NAA35: variants seen among roughly 807,000 people sequenced by gnomAD.
NAA35 encodes N-alpha-acetyltransferase 35, NatC auxiliary subunit.
Under a neutral mutation model 101.7 loss-of-function variants are expected in NAA35, and 18 were observed. The observed-to-expected ratio is 0.18, with a 90% CI of 0.12 to 0.26. The LOEUF (loss-of-function observed/expected upper bound fraction) is 0.26. NAA35 is among the 10% of genes least tolerant of loss of function. The pLI is 1.00. For missense variants in NAA35, 601 were observed against 886.8 expected (o/e 0.68, Z 4.09); for synonymous variants, 267 against 273.1 (o/e 0.98, Z 0.22).
intron 2 of NAA35, among the ~76,000 whole-genome samples, chr9:85,951,992 A>G (rs1023681798): frequency 3.9e-5 from 6 of 152,200 alleles, no homozygotes; most frequent in African/African-American, 1.4e-4. Context: ...ACGTTTCATT[A>G]TACAATATTA....
Position 86,016,665 on chromosome 9 carries a change from A to G in NAA35, c.1695A>G (p.Lys565=). The G allele has an allele frequency of 6.2e-7, 1 of 1,612,562 alleles. No homozygotes were observed. Among genetic ancestry groups the G allele is most frequent in the Non-Finnish European group, 8.5e-7 (1 of 1,179,760 alleles). Residue 565 remains lysine, a synonymous_variant, in exon 18 of 23, where the codon AAA becomes AAG. Transcript: ENST00000361671. ...GCCGTAGTAGTAAAAAAACAAAGAAAAAAAAGAAAGGTGCTGTGGATTATT... is the reference window on the plus strand; with the variant it reads ...GCCGTAGTAGTAAAAAAACAAAGAAGAAAAAGAAAGGTGCTGTGGATTATT... ...QKGRSSKKTK[K]KKKVRPLSRE...
In NAA35 at chr9:85,959,937, C is replaced by G. The variant is rs949631831; in HGVS notation, c.348+70C>G. On this transcript the variant is annotated intron_variant, in intron 5 of 22. Coordinates refer to ENST00000361671, the MANE Select transcript of NAA35 (RefSeq NM_024635.4). ...TTACCTGAATCTTGTGATTTAAAAG[C>G]CTATACACTAATGTTGAGTATGAAA... The G allele has an allele frequency of 2.2e-5, 25 of 1,121,150 alleles. No homozygotes were observed. The Admixed American group carries it at 3.5e-4, about 16-fold the overall frequency. The allele number at this position is 1,121,150 out of a possible 1,614,324, so 69.5% of individuals were successfully genotyped here. A position where few individuals can be genotyped will look rare whatever the true frequency, so the allele number is the denominator to read the frequency against.
chr9:85,988,938 T>G (rs773288425), intron 11 of NAA35, among the ~76,000 whole-genome samples: 3 of 152,118 alleles, frequency 2.0e-5, no homozygotes, highest in African/African-American at 7.2e-5. Flanking sequence ...CCTTAAGATG[T>G]GAACAGTATA....
intron 12 of NAA35, among the ~76,000 whole-genome samples, chr9:86,002,203 TG>T (rs754934106): frequency 3.3e-5 from 5 of 149,878 alleles, no homozygotes; most frequent in Non-Finnish European, 5.9e-5. Context: ...AATTTCTTCT[TG>T]TAGGGTTTCA....
intron 2 of NAA35, among the ~76,000 whole-genome samples, chr9:85,948,200 A>G (rs907102648): frequency 2.6e-5 from 4 of 152,188 alleles, no homozygotes; most frequent in African/African-American, 9.7e-5. Context: ...ATATGCAAAT[A>G]TTATTCATAG....
At chr9:85,980,532 C>A (rs980987002) in intron 11 of NAA35, among the ~76,000 whole-genome samples, 7 of 152,172 alleles carry the variant, frequency 4.6e-5, no homozygotes, top group Admixed American at 4.6e-4. Context: ...TAATGTCACA[C>A]CCTCTGTGTT....
chr9:85,953,217 AT>A (rs750967213), intron 2 of NAA35, among the ~76,000 whole-genome samples: 1,684 of 125,974 alleles, frequency 0.013, 18 homozygotes, highest in African/African-American at 0.032. Flanking sequence ...GCCTCAAGAG[AT>A]TTTTTTTTTT....
chr9:85,957,283 T>C (rs1829318077), intron 3 of NAA35, among the ~76,000 whole-genome samples: 1 of 152,220 alleles, frequency 6.6e-6, no homozygotes, highest in Non-Finnish European at 1.5e-5. Flanking sequence ...AAAATATACT[T>C]ACTGTTCATT....
intron 6 of NAA35, among the ~76,000 whole-genome samples, chr9:85,962,490 CAA>C (rs781302881): frequency 1.5e-4 from 13 of 85,926 alleles, no homozygotes; most frequent in Non-Finnish European, 2.5e-4. Context: ...GACTCTGTCT[CAA>C]AAAAAAAAAA....
At chr9:85,955,707 TG>T (rs1232569855) in intron 2 of NAA35, among the ~76,000 whole-genome samples, 1 of 152,166 alleles carries the variant, frequency 6.6e-6, no homozygotes, top group Non-Finnish European at 1.5e-5. Context: ...CAGTGATTTC[TG>T]ACTTACCTGC....
intron 11 of NAA35, among the ~76,000 whole-genome samples, chr9:85,995,250 AATTT>A (rs1296207091): frequency 2.6e-5 from 4 of 151,220 alleles, no homozygotes; most frequent in East Asian, 1.9e-4. Flanking sequence ...GATTTTTAGC[AATTT>A]ATTTATTTTT....
rs763566333 is a variant in NAA35, at chr9:86,018,407, C to T, written c.1914+12C>T. Reference sequence around the variant, plus strand: ...ACTTACAGTTCAAGGTGAACCTGCTCAATGAACTTGTTATGAAATCTTTAG... The same window carrying T: ...ACTTACAGTTCAAGGTGAACCTGCTTAATGAACTTGTTATGAAATCTTTAG... On this transcript the variant is annotated intron_variant, in intron 20 of 22. Coordinates refer to ENST00000361671, the MANE Select transcript of NAA35 (RefSeq NM_024635.4). The T allele has an allele frequency of 1.2e-6, 2 of 1,601,256 alleles. No homozygotes were observed. The highest frequency in any genetic ancestry group is 4.5e-5 in the East Asian group (2 of 44,560).
At chr9:86,018,493 T>C (rs1832344053) in intron 20 of NAA35, 98 bp downstream of exon 20, 17 of 1,404,478 alleles carry the variant, frequency 1.2e-5, no homozygotes, top group South Asian at 1.4e-5. Context: ...TTAACAGTTA[T>C]TTAAATCATA....
intron 11 of NAA35, among the ~76,000 whole-genome samples, chr9:85,991,374 A>G (rs938640494): frequency 6.6e-6 from 1 of 152,132 alleles, no homozygotes; most frequent in Non-Finnish European, 1.5e-5. Flanking sequence ...GTGGGTGACC[A>G]AGTACAGGGT....
intron 1 of NAA35, chr9:85,941,501 C>T (rs1828512002): frequency 1.1e-5 from 11 of 985,444 alleles, no homozygotes; most frequent in Non-Finnish European, 1.3e-5. Context: ...ACGTGCCCGC[C>T]CTCCCGCGCG....
At chr9:85,999,864 A>G (rs989637182) in intron 12 of NAA35, among the ~76,000 whole-genome samples, 1 of 152,250 alleles carries the variant, frequency 6.6e-6, no homozygotes, top group African/African-American at 2.4e-5. Flanking sequence ...TGTGAAGATG[A>G]TAAATAACTG....
In NAA35 at chr9:86,017,480, TTTTC is replaced by T. The variant is rs1232863907; in HGVS notation, c.1706-12_1706-9del. Reference sequence around the variant, plus strand: ...AGGAAAAGATTATGGAAGATTACGTTTTTCTTTCTAATTACAGTTCGCCCATTGA... The same window carrying T: ...AGGAAAAGATTATGGAAGATTACGTTTTTCTAATTACAGTTCGCCCATTGA... On this transcript the variant is annotated splice_polypyrimidine_tract_variant and intron_variant, in intron 18 of 22. Coordinates refer to ENST00000361671, the MANE Select transcript of NAA35 (RefSeq NM_024635.4). 6.2e-7 allele frequency: 1 copy of T among 1,611,784 alleles called. No homozygotes were observed. Among genetic ancestry groups the T allele is most frequent in the Non-Finnish European group, 8.5e-7 (1 of 1,178,412 alleles).
chr9:85,986,435 T>G (rs1182789078), intron 11 of NAA35: 4 of 470,280 alleles, frequency 8.5e-6, no homozygotes, highest in Non-Finnish European at 1.8e-5. Flanking sequence ...CTACTTGTTT[T>G]TTGTTTTACA....
At position 85,978,325 on chromosome 9, in the gene NAA35, C is replaced by T. The variant is rs201778443; in HGVS notation, c.821C>T (p.Ala274Val). 8 of 1,613,222 alleles carry T rather than the reference C, an allele frequency of 5.0e-6. No homozygotes were observed. The Admixed American group carries it at 5.0e-5, about 10-fold the overall frequency. The change falls in exon 11 of 23, where the codon GCC becomes GTC. Residue 274 changes from alanine (A) to valine (V), a missense_variant. Transcript: ENST00000361671. ...GTTCAAGCAGCAGATCTTCTTTCTG[C>T]CATTCATAATTCATTGCATCATGGC... ...LMVQAADLLS[A>V]IHNSLHHGIQ...
Sources: allele counts gnomAD v4.1 joint callset (sites outside exome capture counted in the v4.1 genomes callset), GRCh38; gene constraint gnomAD v4.1.1; transcripts MANE v1.5; gene names NCBI Gene and HGNC (gene_info 2026-07-23, HGNC 2026-07-21).